MACROD2: variants seen among roughly 807,000 people sequenced by gnomAD.
MACROD2 encodes the protein ADP-ribose glycohydrolase MACROD2.
A neutral mutation model predicts 70.4 loss-of-function variants in MACROD2; 36 were observed. The ratio of observed to expected loss-of-function variants is 0.51; its 90% confidence interval spans 0.39 to 0.68. The LOEUF is 0.68. MACROD2 is among the 30% of genes least tolerant of loss of function. MACROD2 has a pLI of 0.00. For synonymous variants in MACROD2, 172 were observed against 178.8 expected (o/e 0.96, Z 0.30); for missense variants, 496 against 538.4 (o/e 0.92, Z 0.78).
intron 4 of MACROD2, among the ~76,000 whole-genome samples, chr20:14,658,831 C>T (rs1986096503): frequency 2.0e-5 from 3 of 152,194 alleles, no homozygotes; most frequent in Admixed American, 2.0e-4. Flanking sequence ...CCCGGCTGGT[C>T]TCAAACTCCT....
rs150439114 is a variant in MACROD2, at chr20:15,252,828, C to T, written c.540+22767C>T. The stretch of plus-strand genomic sequence containing the variant: ...ATGCAAATTTGTGGACACACCATGG[C>T]ATCCACAGACTCACCAGAGAAGGAT... On this transcript the variant is annotated intron_variant, in intron 6 of 17. Transcript: ENST00000684519. Among the ~76,000 whole-genome samples the T allele has an allele frequency of 2.5e-4, 38 of 152,304 alleles. No individual in the cohort carries two copies. The East Asian group carries it at 2.5e-3, about 10-fold the overall frequency.
At chr20:14,366,298 A>G (rs1326764137) in intron 3 of MACROD2, among the ~76,000 whole-genome samples, 1 of 150,838 alleles carries the variant, frequency 6.6e-6, no homozygotes, top group Non-Finnish European at 1.5e-5. Context: ...GTGCATATAT[A>G]TTTGTAATTT....
At chr20:14,797,905 C>T (rs1312925561) in intron 5 of MACROD2, among the ~76,000 whole-genome samples, 7 of 152,068 alleles carry the variant, frequency 4.6e-5, no homozygotes, top group South Asian at 4.2e-4. Flanking sequence ...GAGAGGACTG[C>T]GGAGAAACAT....
chr20:15,344,224 C>T (rs1016167612), intron 6 of MACROD2, among the ~76,000 whole-genome samples: 2 of 152,120 alleles, frequency 1.3e-5, no homozygotes, highest in Non-Finnish European at 2.9e-5. Flanking sequence ...GCTCTTCCTC[C>T]TACTTTGGAG....
At position 14,611,891 on chromosome 20, in the gene MACROD2, A is replaced by G. The variant is rs142814211; in HGVS notation, c.302-72952A>G. 3.3e-5 allele frequency among the ~76,000 whole-genome samples: 5 copies of G among 152,268 alleles called. No individual in the cohort carries two copies. The South Asian group carries it at 8.3e-4, about 25-fold the overall frequency. Reference sequence around the variant, plus strand: ...TTAAATTTGCAACCTTTTAAAATGTATGGTTTTAAATTACATAGTGGATTA... The same window carrying G: ...TTAAATTTGCAACCTTTTAAAATGTGTGGTTTTAAATTACATAGTGGATTA... On this transcript the variant is annotated intron_variant, in intron 4 of 17. Coordinates refer to ENST00000684519, the MANE Select transcript of MACROD2 (RefSeq NM_001351661.2).
chr20:15,886,033 A>G (rs2064818045), intron 10 of MACROD2, among the ~76,000 whole-genome samples: 1 of 152,188 alleles, frequency 6.6e-6, no homozygotes, highest in South Asian at 2.1e-4. Context: ...AGCGAAGGTA[A>G]AAATGGAACA....
At chr20:15,168,464 T>A (rs2145884674) in intron 5 of MACROD2, among the ~76,000 whole-genome samples, 1 of 151,202 alleles carries the variant, frequency 6.6e-6, no homozygotes, top group Non-Finnish European at 1.5e-5. Flanking sequence ...TGTGTGTGTG[T>A]GTGTGTGTGT....
intron 3 of MACROD2, among the ~76,000 whole-genome samples, chr20:14,132,586 AT>A (rs1361413430): frequency 6.6e-6 from 1 of 152,178 alleles, no homozygotes; most frequent in Non-Finnish European, 1.5e-5. Flanking sequence ...ATACATATTA[AT>A]TACTTAGGGT....
intron 3 of MACROD2, among the ~76,000 whole-genome samples, chr20:14,441,226 G>T (rs1354255273): frequency 6.6e-6 from 1 of 152,086 alleles, no homozygotes; most frequent in Non-Finnish European, 1.5e-5. Context: ...TTCTGCTCTG[G>T]GATCGCTATG....
chr20:15,720,470 A>G (rs1303412372), intron 8 of MACROD2, among the ~76,000 whole-genome samples: 4 of 152,218 alleles, frequency 2.6e-5, no homozygotes, highest in African/African-American at 9.6e-5. Context: ...CTCTGCACTA[A>G]TCACAAATTG....
At chr20:15,976,269 G>T (rs373123773) in intron 13 of MACROD2, among the ~76,000 whole-genome samples, 1 of 152,146 alleles carries the variant, frequency 6.6e-6, no homozygotes, top group Non-Finnish European at 1.5e-5. Context: ...AATTACCAAG[G>T]CTCCAAGAAA....
intron 3 of MACROD2, among the ~76,000 whole-genome samples, chr20:14,139,051 G>A (rs1016391730): frequency 5.9e-5 from 9 of 152,072 alleles, no homozygotes; most frequent in African/African-American, 2.2e-4. Context: ...ACAAAGAAAG[G>A]AAGAAAATAC....
chr20:14,429,851 G>A (rs984469883), intron 3 of MACROD2, among the ~76,000 whole-genome samples: 1 of 152,112 alleles, frequency 6.6e-6, no homozygotes, highest in East Asian at 1.9e-4. Context: ...GAACCATTTG[G>A]TGGTGTGACC....
intron 5 of MACROD2, among the ~76,000 whole-genome samples, chr20:14,838,077 C>CT (rs199589435): frequency 0.011 from 1,744 of 151,836 alleles, 30 homozygotes; most frequent in African/African-American, 0.04. Context: ...TTGTTCAAAG[C>CT]TTTTTTTTCT....
chr20:14,659,655 G>GAA (rs1326783840), intron 4 of MACROD2, among the ~76,000 whole-genome samples: 1 of 152,086 alleles, frequency 6.6e-6, no homozygotes, highest in African/African-American at 2.4e-5. Flanking sequence ...ACACTAGTGG[G>GAA]AAAAAGCGCC....
chr20:15,070,355 A>C (rs982507606), intron 5 of MACROD2, among the ~76,000 whole-genome samples: 4 of 152,102 alleles, frequency 2.6e-5, no homozygotes, highest in Non-Finnish European at 5.9e-5. Context: ...TGCTGGAATG[A>C]GTTAAGACTT....
intron 15 of MACROD2, among the ~76,000 whole-genome samples, chr20:16,028,941 A>T (rs2067117303): frequency 6.6e-6 from 1 of 152,208 alleles, no homozygotes; most frequent in Admixed American, 6.5e-5. Context: ...CGGCTGCCAT[A>T]ACAAAATACC....
intron 8 of MACROD2, among the ~76,000 whole-genome samples, chr20:15,779,402 T>C (rs1173412470): frequency 6.6e-6 from 1 of 152,144 alleles, no homozygotes; most frequent in Non-Finnish European, 1.5e-5. Context: ...AGGTAGGCAA[T>C]GTGAGCTGTC....
chr20:15,146,221 A>G (rs769432301), intron 5 of MACROD2, among the ~76,000 whole-genome samples: 1 of 152,054 alleles, frequency 6.6e-6, no homozygotes, highest in Non-Finnish European at 1.5e-5. Flanking sequence ...GATTTTTCCT[A>G]TTTTCTCATG....
Sources: gnomAD v4.1 joint callset for allele counts (sites outside exome capture counted in the v4.1 genomes callset) on GRCh38, gnomAD v4.1.1 for gene constraint, MANE v1.5 for transcripts, NCBI Gene and HGNC (gene_info 2026-07-23, HGNC 2026-07-21) for gene names.